PRKCE: variants seen among roughly 807,000 people sequenced by gnomAD.
PRKCE encodes the protein protein kinase C epsilon type.
A neutral mutation model predicts 85.4 loss-of-function variants in PRKCE; 16 were observed. That is an observed-to-expected ratio of 0.19 (90% CI 0.13 to 0.28). The LOEUF (loss-of-function observed/expected upper bound fraction) is 0.28. PRKCE is among the 10% of genes least tolerant of loss of function. The pLI is 1.00. For missense variants in PRKCE, 573 were observed against 975.2 expected (o/e 0.59, Z 5.49); for synonymous variants, 388 against 371.5 (o/e 1.04, Z -0.51).
chr2:46,075,077 G>T (rs1377790166), intron 10 of PRKCE, among the ~76,000 whole-genome samples: 1 of 152,124 alleles, frequency 6.6e-6, no homozygotes, highest in Admixed American at 6.5e-5. Flanking sequence ...GTCTCGCCCT[G>T]TCGCCCAGGC....
intron 2 of PRKCE, among the ~76,000 whole-genome samples, chr2:45,858,426 A>G (rs931250730): frequency 8.6e-5 from 13 of 151,962 alleles, no homozygotes; most frequent in Non-Finnish European, 5.9e-5. Context: ...TTTCCCTTGA[A>G]TCAATCTGTC....
In PRKCE at chr2:46,023,075, G is replaced by A. The variant is rs994049386; in HGVS notation, c.1437+12558G>A. Among the ~76,000 whole-genome samples, 177 of 105,604 alleles carry A rather than the reference G, an allele frequency of 1.7e-3. 1 individual carries two copies. Among genetic ancestry groups the A allele is most frequent in the Non-Finnish European group, 2.6e-3 (147 of 56,596 alleles). 69.3% of individuals were successfully genotyped at this position (105,604 alleles called of 152,430 possible). A position where few individuals can be genotyped will look rare whatever the true frequency, so the allele number is the denominator to read the frequency against. The stretch of plus-strand genomic sequence containing the variant: ...TCCGCAGTCCGTCCTGGGCGACAGA[G>A]CGAGACTCCGTCTCAAAAAAAAAAA... On this transcript the variant is annotated intron_variant, in intron 10 of 14. Transcript: ENST00000306156.
chr2:45,935,453 T>C (rs1305790308), intron 2 of PRKCE, among the ~76,000 whole-genome samples: 1 of 152,226 alleles, frequency 6.6e-6, no homozygotes, highest in Non-Finnish European at 1.5e-5. Context: ...ACCATGTTTA[T>C]AAACAAAAGT....
rs928244715 is a variant in PRKCE at position 45,712,348 on chromosome 2, G to C, written c.348+59900G>C. Among the ~76,000 whole-genome samples, 60 of 151,482 alleles carry C rather than the reference G, an allele frequency of 4.0e-4. 1 individual carries two copies. The highest frequency in any genetic ancestry group is 1.3e-3 in the African/African-American group (55 of 41,206). On this transcript the variant is annotated intron_variant, in intron 1 of 14. Transcript: ENST00000306156. ...TTTTGTAGTTTTAGTAGAGACGAGG[G>C]TTCCCCATATTGGCCAGGCTGGTCT...
chr2:46,162,112 C>G (rs550783567), intron 14 of PRKCE, among the ~76,000 whole-genome samples: 2 of 152,194 alleles, frequency 1.3e-5, no homozygotes, highest in South Asian at 2.1e-4. Flanking sequence ...CTCTCCCTGG[C>G]CAGAAGTGAA....
At chr2:45,792,861 C>T (rs570883110) in intron 1 of PRKCE, among the ~76,000 whole-genome samples, 1 of 152,188 alleles carries the variant, frequency 6.6e-6, no homozygotes, top group Middle Eastern at 3.2e-3. Context: ...TACAGTGGCA[C>T]GATCTCGGCT....
intron 1 of PRKCE, among the ~76,000 whole-genome samples, chr2:45,679,628 A>T (rs1676732812): frequency 2.0e-5 from 3 of 152,110 alleles, no homozygotes; most frequent in Admixed American, 6.5e-5. Context: ...AACTTGAATG[A>T]TGGGGTGGAT....
chr2:45,744,473 C>CTCTTTCTTTCT lies in PRKCE; in HGVS notation c.348+92026_348+92027insCTTTCTTTCTT, dbSNP rs1558623634. ...TCTTTCTTTCTTTCTTTCTTTCTTT[C>CTCTTTCTTTCT]TTTCTTTCTTTCTTTTTCTTTCTTT... On this transcript the variant is annotated intron_variant, in intron 1 of 14. Coordinates refer to ENST00000306156, the MANE Select transcript of PRKCE (RefSeq NM_005400.3). Among the ~76,000 whole-genome samples the CTCTTTCTTTCT allele has an allele frequency of 9.0e-3, 353 of 39,126 alleles. 7 individuals carry two copies. Among genetic ancestry groups the CTCTTTCTTTCT allele is most frequent in the South Asian group, 0.036 (27 of 746 alleles). 25.7% of individuals were successfully genotyped at this position (39,126 alleles called of 152,430 possible). A position where few individuals can be genotyped will look rare whatever the true frequency, so the allele number is the denominator to read the frequency against.
rs898267458 is a variant in PRKCE, at chr2:45,735,562, G to A, written c.348+83114G>A. ...CTCATAGCATTGTTTTGCAGATTAAGTGAAGTGGTGCCGAGGTGCCTGGCA... is the reference window on the plus strand; with the variant it reads ...CTCATAGCATTGTTTTGCAGATTAAATGAAGTGGTGCCGAGGTGCCTGGCA... On this transcript the variant is annotated intron_variant, in intron 1 of 14. Transcript: ENST00000306156. Among the ~76,000 whole-genome samples, 2 of 152,228 alleles carry A rather than the reference G, an allele frequency of 1.3e-5. 1 individual carries two copies. The highest frequency in any genetic ancestry group is 1.3e-4 in the Admixed American group (2 of 15,286).
At chr2:45,656,502 T>C (rs746756698) in intron 1 of PRKCE, among the ~76,000 whole-genome samples, 10 of 152,228 alleles carry the variant, frequency 6.6e-5, no homozygotes, top group Non-Finnish European at 1.5e-4. Context: ...AGGAAAGATT[T>C]TGCTGATGCT....
chr2:45,950,766 C>G (rs1700566014), intron 2 of PRKCE, among the ~76,000 whole-genome samples: 1 of 152,150 alleles, frequency 6.6e-6, no homozygotes, highest in African/African-American at 2.4e-5. Context: ...CTGTTGTTCA[C>G]ACTTCCGTTG....
In PRKCE at chr2:45,751,809, A is replaced by ATTTTTTTTTTTT. The variant is rs34589907; in HGVS notation, c.349-91176_349-91165dup. On this transcript the variant is annotated intron_variant, in intron 1 of 14. Coordinates refer to ENST00000306156, the MANE Select transcript of PRKCE (RefSeq NM_005400.3). ...ACTCCAGCCTCCAAAGCTAACCACT[A>ATTTTTTTTTTTT]TTTTTTTTTTTTTTTTTTTTTTTTT... is the stretch of plus-strand genomic sequence containing the variant. Among the ~76,000 whole-genome samples, 4 of 78,526 alleles carry ATTTTTTTTTTTT rather than the reference A, an allele frequency of 5.1e-5. 1 individual carries two copies. Among genetic ancestry groups the ATTTTTTTTTTTT allele is most frequent in the African/African-American group, 1.7e-4 (3 of 17,710 alleles). 51.5% of individuals were successfully genotyped at this position (78,526 alleles called of 152,430 possible).
At chr2:45,803,963 C>T (rs1226888100) in intron 1 of PRKCE, among the ~76,000 whole-genome samples, 1 of 152,162 alleles carries the variant, frequency 6.6e-6, no homozygotes, top group South Asian at 2.1e-4. Flanking sequence ...TTATCCCTGC[C>T]CCATCCAGGA....
intron 2 of PRKCE, among the ~76,000 whole-genome samples, chr2:45,917,988 A>G (rs555709713): frequency 1.1e-3 from 167 of 152,240 alleles, no homozygotes; most frequent in African/African-American, 3.9e-3. Context: ...CGCCAAGCCC[A>G]CGCCCACCCG....
chr2:46,058,319 A>G (rs1255336850), intron 10 of PRKCE, among the ~76,000 whole-genome samples: 1 of 152,228 alleles, frequency 6.6e-6, no homozygotes, highest in African/African-American at 2.4e-5. Flanking sequence ...CACACCACCC[A>G]TCCAGCCTCT....
At chr2:45,929,469 C>G (rs772347146) in intron 2 of PRKCE, among the ~76,000 whole-genome samples, 2 of 152,012 alleles carry the variant, frequency 1.3e-5, no homozygotes, top group Non-Finnish European at 2.9e-5. Context: ...CAGCAGAAAC[C>G]GAGACTAAGG....
intron 11 of PRKCE, among the ~76,000 whole-genome samples, chr2:46,103,565 G>A (rs1671436310): frequency 6.6e-6 from 1 of 152,122 alleles, no homozygotes; most frequent in African/African-American, 2.4e-5. Flanking sequence ...GGGAGTGAGT[G>A]AGCAAATATA....
Position 45,903,007 on chromosome 2 carries a change from T to C in PRKCE, c.412+59944T>C, listed in dbSNP as rs529060304. Among the ~76,000 whole-genome samples the C allele has an allele frequency of 2.6e-5, 4 of 152,208 alleles. No individual in the cohort carries two copies. The East Asian group carries it at 5.8e-4, about 22-fold the overall frequency. Reference sequence around the variant, plus strand: ...TATTTGATTGTGGAATTATGTATTTTCCCCCCAGGAGGATCCTACGTGAAT... The same window carrying C: ...TATTTGATTGTGGAATTATGTATTTCCCCCCCAGGAGGATCCTACGTGAAT... On this transcript the variant is annotated intron_variant, in intron 2 of 14. Coordinates refer to ENST00000306156, the MANE Select transcript of PRKCE (RefSeq NM_005400.3).
chr2:46,150,464 G>T (rs914331652), intron 12 of PRKCE, among the ~76,000 whole-genome samples: 1 of 152,200 alleles, frequency 6.6e-6, no homozygotes, highest in East Asian at 1.9e-4. Flanking sequence ...CTTAGAATAT[G>T]CAAGAGTATA....
Sources: gnomAD v4.1 joint callset for allele counts (sites outside exome capture counted in the v4.1 genomes callset) on GRCh38, gnomAD v4.1.1 for gene constraint, MANE v1.5 for transcripts, NCBI Gene and HGNC (gene_info 2026-07-23, HGNC 2026-07-21) for gene names.